Variants in ARHGEF6 observed in about 807,000 individuals in gnomAD.
ARHGEF6 encodes rho guanine nucleotide exchange factor 6.
A neutral mutation model predicts 70.3 loss-of-function variants in ARHGEF6; 9 were observed. That is an observed-to-expected ratio of 0.13 (90% CI 0.08 to 0.22). ARHGEF6 has a LOEUF of 0.22. Among genes scored for constraint, ARHGEF6 ranks in the 10% least tolerant of loss-of-function variants. The probability of loss-of-function intolerance (pLI) is 1.00; values close to 1 mark genes in which losing one functional copy is unlikely to be tolerated. For missense variants in ARHGEF6, 470 were observed against 563.0 expected, an observed-to-expected ratio of 0.83 and a Z score of 1.67; for synonymous variants, 201 against 207.8, an observed-to-expected ratio of 0.97 and a Z score of 0.28.
chrX:136,720,541 C>T (rs1284608451), intron 6 of ARHGEF6, among the ~76,000 whole-genome samples: 1 of 110,969 alleles, frequency 9.0e-6, no homozygotes, highest in Non-Finnish European at 1.9e-5. Flanking sequence ...CAAAAAACCC[C>T]GACATCTAAC....
chrX:136,752,900 A>G, intron 2 of ARHGEF6, among the ~76,000 whole-genome samples: 1 of 112,353 alleles, frequency 8.9e-6, no homozygotes. Flanking sequence ...ACAGCTGAGC[A>G]CACTGCCTCT....
intron 17 of ARHGEF6, 44 bp from the exon 18 acceptor site, chrX:136,676,761 A>G (rs1265425903): frequency 1.1e-6 from 1 of 951,120 alleles, no homozygotes. Context: ...TTCTCCCTCA[A>G]AAACAAAAGT....
At chrX:136,774,986 A>G (rs1435815149) in intron 2 of ARHGEF6, among the ~76,000 whole-genome samples, 1 of 111,446 alleles carries the variant, frequency 9.0e-6, no homozygotes, top group Non-Finnish European at 1.9e-5. Flanking sequence ...AGCAAAGTTT[A>G]TCTGGGGCAA....
intron 8 of ARHGEF6, 112 bp downstream of exon 8, chrX:136,708,563 T>C: frequency 4.9e-6 from 3 of 612,751 alleles, no homozygotes; most frequent in Non-Finnish European, 8.0e-6. Context: ...TGTTCAGAGC[T>C]GTAACAAATA....
intron 19 of ARHGEF6, among the ~76,000 whole-genome samples, chrX:136,674,371 C>T (rs1352257883): frequency 1.8e-5 from 2 of 112,378 alleles, no homozygotes; most frequent in African/African-American, 3.2e-5. Context: ...AAGACATAAT[C>T]GAAGTGACCT....
At chrX:136,734,566 T>C (rs961504150) in intron 5 of ARHGEF6, among the ~76,000 whole-genome samples, 1 of 111,849 alleles carries the variant, frequency 8.9e-6, no homozygotes, top group African/African-American at 3.2e-5. Flanking sequence ...GAGAATTCTA[T>C]TAACTGTTTA....
Position 136,735,273 on chromosome X carries a change from G to C in ARHGEF6, c.662-3101C>G, listed in dbSNP as rs777739420. 3.6e-5 allele frequency among the ~76,000 whole-genome samples: 4 copies of C among 111,481 alleles called. No individual in the cohort carries two copies. In the South Asian group the frequency reaches 1.5e-3, roughly 42 times the overall value. On this transcript the variant is annotated intron_variant, in intron 5 of 21. Coordinates refer to ENST00000250617, the MANE Select transcript of ARHGEF6 (RefSeq NM_004840.3). ...ACTGGCTCCATGAAACAGTACAAGAGGGAATGCAAAGAGAAAAACACCAGC... is the reference window on the plus strand; with the variant it reads ...ACTGGCTCCATGAAACAGTACAAGACGGAATGCAAAGAGAAAAACACCAGC...
intron 7 of ARHGEF6, among the ~76,000 whole-genome samples, chrX:136,709,333 C>T (rs1165704277): frequency 8.9e-6 from 1 of 112,219 alleles, no homozygotes; most frequent in African/African-American, 3.2e-5. Context: ...TATCCAGGGC[C>T]TCTGTATGAA....
intron 16 of ARHGEF6, among the ~76,000 whole-genome samples, chrX:136,678,325 A>G (rs1292205109): frequency 8.9e-6 from 1 of 111,992 alleles, no homozygotes; most frequent in Non-Finnish European, 1.9e-5. Flanking sequence ...CTTAATTTGA[A>G]CTTAGTAACT....
At chrX:136,763,811 CGA>C (rs2077286966) in intron 2 of ARHGEF6, among the ~76,000 whole-genome samples, 1 of 111,205 alleles carries the variant, frequency 9.0e-6, no homozygotes, top group Non-Finnish European at 1.9e-5. Flanking sequence ...GGCAACAGAG[CGA>C]GACTCTGTCT....
chrX:136,672,312 C>T (rs931800834), intron 19 of ARHGEF6, among the ~76,000 whole-genome samples, 193 bp from the exon 20 acceptor site: 3 of 111,532 alleles, frequency 2.7e-5, no homozygotes, highest in African/African-American at 9.8e-5. Flanking sequence ...TCTAAATGGC[C>T]AAATACACTG....
At chrX:136,686,566 TTCTA>T (rs2076388134) in intron 11 of ARHGEF6, among the ~76,000 whole-genome samples, 1 of 89,611 alleles carries the variant, frequency 1.1e-5, no homozygotes, top group Non-Finnish European at 2.2e-5. Flanking sequence ...TGAATACTCT[TTCTA>T]TATATATGTG....
At chrX:136,724,457 AT>A (rs2076833607) in intron 6 of ARHGEF6, among the ~76,000 whole-genome samples, 1 of 110,352 alleles carries the variant, frequency 9.1e-6, no homozygotes, top group Admixed American at 9.7e-5. Context: ...CATTTTTTAA[AT>A]TTTTTTAATT....
At chrX:136,772,135 T>A (rs760689032) in intron 2 of ARHGEF6, among the ~76,000 whole-genome samples, 1 of 112,322 alleles carries the variant, frequency 8.9e-6, no homozygotes. Flanking sequence ...GAGATCATTA[T>A]GTTAAGTGAA....
chrX:136,739,104 G>A (rs1346022670), intron 5 of ARHGEF6, among the ~76,000 whole-genome samples: 1 of 111,396 alleles, frequency 9.0e-6, no homozygotes, highest in African/African-American at 3.3e-5. Context: ...TCCAGCTCAA[G>A]GTCCCATTCC....
At chrX:136,771,127 G>A (rs1344620535) in intron 2 of ARHGEF6, among the ~76,000 whole-genome samples, 4 of 112,491 alleles carry the variant, frequency 3.6e-5, no homozygotes, top group Non-Finnish European at 7.5e-5. Flanking sequence ...GCAGGTATAA[G>A]ACATGTACAC....
chrX:136,671,080 TTAAC>T (rs1338779659), intron 20 of ARHGEF6, among the ~76,000 whole-genome samples: 3 of 112,130 alleles, frequency 2.7e-5, no homozygotes, highest in Non-Finnish European at 5.6e-5. Flanking sequence ...ATAATAAGAA[TTAAC>T]TAACATTATT....
chrX:136,690,341 C>T (rs1441034168), intron 10 of ARHGEF6, among the ~76,000 whole-genome samples: 1 of 110,436 alleles, frequency 9.1e-6, no homozygotes, highest in Non-Finnish European at 1.9e-5. Flanking sequence ...TAAGCATAGA[C>T]TTAAGGGAAG....
intron 11 of ARHGEF6, among the ~76,000 whole-genome samples, chrX:136,686,588 GTGTGTGTATATA>G (rs1211126582): frequency 3.4e-5 from 2 of 58,448 alleles, no homozygotes; most frequent in African/African-American, 2.1e-4. Flanking sequence ...GTGTGTGTAT[GTGTGTGTATATA>G]TATATATATA....
Sources: gnomAD v4.1 joint callset for allele counts (sites outside exome capture counted in the v4.1 genomes callset) on GRCh38, gnomAD v4.1.1 for gene constraint, MANE v1.5 for transcripts, NCBI Gene and HGNC (gene_info 2026-07-23, HGNC 2026-07-21) for gene names.